The following NOVA1 variants were observed in gnomAD, a reference collection of about 807,000 sequenced individuals.
The protein encoded by NOVA1 is RNA-binding protein Nova-1.
Under a neutral mutation model 38.0 loss-of-function variants are expected in NOVA1, and 7 were observed. The observed-to-expected ratio is 0.18, with a 90% confidence interval of 0.10 to 0.35. NOVA1 has a LOEUF of 0.35. Among genes scored for constraint, NOVA1 ranks in the 10% least tolerant of loss-of-function variants. The probability of loss-of-function intolerance (pLI) is 1.00; values close to 1 mark genes in which losing one functional copy is unlikely to be tolerated. For missense variants in NOVA1, 460 were observed against 616.0 expected (o/e 0.75, Z 2.68); for synonymous variants, 270 against 232.5 (o/e 1.16, Z -1.47).
At chr14:26,537,252 G>C (rs1403613308) in intron 2 of NOVA1, among the ~76,000 whole-genome samples, 3 of 151,596 alleles carry the variant, frequency 2.0e-5, no homozygotes, top group African/African-American at 7.3e-5. Context: ...CATGCACATG[G>C]TAAAATATTA....
chr14:26,539,365 C>T (rs1028646000), intron 2 of NOVA1, among the ~76,000 whole-genome samples: 17 of 152,116 alleles, frequency 1.1e-4, no homozygotes, highest in South Asian at 2.1e-4. Flanking sequence ...CACACACCAA[C>T]GTTAATATAA....
intron 2 of NOVA1, 136 bp from the exon 3 acceptor site, chr14:26,480,279 T>C: frequency 1.4e-6 from 1 of 707,892 alleles, no homozygotes; most frequent in Non-Finnish European, 2.3e-6. Context: ...GAACCACACG[T>C]AATATATACA....
At chr14:26,567,248 C>T in intron 2 of NOVA1, among the ~76,000 whole-genome samples, 1 of 146,048 alleles carries the variant, frequency 6.8e-6, no homozygotes, top group African/African-American at 2.5e-5. Context: ...TTTATAGTTT[C>T]TGTTATATGT....
chr14:26,506,864 G>C (rs1887675286), intron 2 of NOVA1, among the ~76,000 whole-genome samples: 1 of 152,128 alleles, frequency 6.6e-6, no homozygotes, highest in Non-Finnish European at 1.5e-5. Flanking sequence ...ACAGGCATGA[G>C]CCACCGCGCC....
At chr14:26,586,676 A>G (rs1357648248) in intron 2 of NOVA1, among the ~76,000 whole-genome samples, 1 of 151,194 alleles carries the variant, frequency 6.6e-6, no homozygotes, top group Non-Finnish European at 1.5e-5. Context: ...AAGAAAAATA[A>G]CAATGCTGCA....
chr14:26,532,118 A>G (rs1889758835), intron 2 of NOVA1, among the ~76,000 whole-genome samples: 1 of 152,234 alleles, frequency 6.6e-6, no homozygotes, highest in East Asian at 1.9e-4. Flanking sequence ...GTAAAATGAC[A>G]CAACCCCTCC....
At chr14:26,464,623 A>G (rs1377140144) in intron 4 of NOVA1, among the ~76,000 whole-genome samples, 2 of 152,198 alleles carry the variant, frequency 1.3e-5, no homozygotes, top group African/African-American at 2.4e-5. Context: ...TGATCTCAAT[A>G]TTACTAGTTT....
intron 2 of NOVA1, among the ~76,000 whole-genome samples, chr14:26,547,437 C>T (rs1890859960): frequency 6.6e-6 from 1 of 151,990 alleles, no homozygotes; most frequent in Non-Finnish European, 1.5e-5. Context: ...AAAAAGTTCC[C>T]ATCTGATTCT....
rs1881902172 is a variant in NOVA1, at chr14:26,444,253, A to G, written c.*3706T>C. On this transcript the variant is annotated 3_prime_UTR_variant, in exon 5 of 5. Transcript: ENST00000539517. ...ATACTGTTTATTTTTTTCCAATAAA[A>G]AAATAAATCTCATACATTAGAAGTG... 6.6e-6 allele frequency: 1 copy of G among 152,182 alleles called. No individual in the cohort carries two copies. The highest frequency in any genetic ancestry group is 6.6e-5 in the Admixed American group (1 of 15,266). The allele number at this position is 152,182 out of a possible 1,614,324, so 9.4% of individuals were successfully genotyped here. A position where few individuals can be genotyped will look rare whatever the true frequency, so the allele number is the denominator to read the frequency against.
chr14:26,566,077 C>T (rs1438145727), intron 2 of NOVA1, among the ~76,000 whole-genome samples: 5 of 151,856 alleles, frequency 3.3e-5, no homozygotes, highest in Non-Finnish European at 7.4e-5. Flanking sequence ...CCTTCAGAGT[C>T]GTTGTAAAAT....
At chr14:26,564,543 T>C (rs924114514) in intron 2 of NOVA1, among the ~76,000 whole-genome samples, 2 of 152,168 alleles carry the variant, frequency 1.3e-5, no homozygotes, top group African/African-American at 2.4e-5. Flanking sequence ...TTAAATATTA[T>C]ACAGTACTGT....
chr14:26,573,724 T>A (rs1892633905), intron 2 of NOVA1, among the ~76,000 whole-genome samples: 1 of 151,600 alleles, frequency 6.6e-6, no homozygotes, highest in Non-Finnish European at 1.5e-5. Context: ...TTACAGAGTA[T>A]AAATCTGTTG....
chr14:26,497,787 A>AC (rs1886928823), intron 2 of NOVA1, among the ~76,000 whole-genome samples: 1 of 152,212 alleles, frequency 6.6e-6, no homozygotes, highest in African/African-American at 2.4e-5. Context: ...AATTAAACTT[A>AC]GTCACCGTAA....
At chr14:26,555,674 C>T (rs540297313) in intron 2 of NOVA1, among the ~76,000 whole-genome samples, 5 of 152,180 alleles carry the variant, frequency 3.3e-5, no homozygotes, top group East Asian at 1.9e-4. Context: ...CAAACTAACA[C>T]GTTAATTCAC....
rs1882060127 is a variant in NOVA1, at chr14:26,446,242, C to T, written c.*1717G>A. On this transcript the variant is annotated 3_prime_UTR_variant, in exon 5 of 5. Coordinates refer to ENST00000539517, the MANE Select transcript of NOVA1 (RefSeq NM_002515.3). Reference sequence around the variant, plus strand: ...AGGGGAAGGGATCAGGAAATAATTTCAAGTTCTCAATGTCCAAAAGTAAAT... The same window carrying T: ...AGGGGAAGGGATCAGGAAATAATTTTAAGTTCTCAATGTCCAAAAGTAAAT... The T allele has an allele frequency of 6.6e-6, 1 of 152,004 alleles. No individual in the cohort carries two copies. The highest frequency in any genetic ancestry group is 2.4e-5 in the African/African-American group (1 of 41,306). The allele number at this position is 152,004 out of a possible 1,614,324, so 9.4% of individuals were successfully genotyped here.
intron 2 of NOVA1, among the ~76,000 whole-genome samples, chr14:26,528,810 T>TC (rs1889483128): frequency 6.6e-6 from 1 of 152,184 alleles, no homozygotes. Context: ...CCTGTGGTCT[T>TC]CTTCTAATAC....
chr14:26,513,937 T>A (rs1466453330), intron 2 of NOVA1, among the ~76,000 whole-genome samples: 1 of 151,698 alleles, frequency 6.6e-6, no homozygotes, highest in Non-Finnish European at 1.5e-5. Flanking sequence ...TAACATTCAT[T>A]AATAAAATAG....
intron 2 of NOVA1, among the ~76,000 whole-genome samples, chr14:26,488,770 G>T (rs907089247): frequency 3.9e-5 from 6 of 152,008 alleles, no homozygotes; most frequent in African/African-American, 1.5e-4. Flanking sequence ...ATAGAGATTT[G>T]CTGACTTGTC....
At chr14:26,564,206 C>T (rs1461729146) in intron 2 of NOVA1, among the ~76,000 whole-genome samples, 1 of 152,108 alleles carries the variant, frequency 6.6e-6, no homozygotes, top group African/African-American at 2.4e-5. Flanking sequence ...TACATAACTT[C>T]ACCATTTCAT....
Sources: gnomAD v4.1 joint callset for allele counts (sites outside exome capture counted in the v4.1 genomes callset) on GRCh38, gnomAD v4.1.1 for gene constraint, MANE v1.5 for transcripts, NCBI Gene and HGNC (gene_info 2026-07-23, HGNC 2026-07-21) for gene names.